Variants in CSMD3 observed in about 807,000 individuals in gnomAD.
The protein encoded by CSMD3 is CUB and sushi domain-containing protein 3.
A neutral mutation model predicts 435.2 loss-of-function variants in CSMD3; 177 were observed. The ratio of observed to expected loss-of-function variants is 0.41; its 90% CI spans 0.36 to 0.46. The LOEUF (loss-of-function observed/expected upper bound fraction) is 0.46, where lower values mean the gene tolerates loss of function less well. Ranked by LOEUF, CSMD3 falls within the 20% of genes least tolerant of loss-of-function variation. CSMD3 has a pLI of 0.34. For missense variants in CSMD3, 4,265 were observed against 4,504.6 expected, an observed-to-expected ratio of 0.95 and a Z score of 1.52; for synonymous variants, 1,656 against 1,520.5, an observed-to-expected ratio of 1.09 and a Z score of -2.07.
chr8:112,638,700 G>A lies in CSMD3; in HGVS notation c.3522C>T (p.Phe1174=), dbSNP rs756399245. 6.4e-7 allele frequency: 1 copy of A among 1,567,544 alleles called. No homozygotes were observed. The highest frequency in any genetic ancestry group is 1.4e-5 in the African/African-American group (1 of 73,844). The part of the protein sequence containing the change: ...SISYEGFNIT[F]SEYNLEPCED... ...TTTTGTTTTTTATTTTCTCACCAGA[G>A]AATGTTATGTTAAATCCTTCATATG... Residue 1174 remains phenylalanine, a synonymous_variant, in exon 21 of 71, where the codon TTC becomes TTT. Coordinates refer to ENST00000297405, the MANE Select transcript of CSMD3 (RefSeq NM_198123.2).
intron 17 of CSMD3, among the ~76,000 whole-genome samples, chr8:112,665,578 T>C (rs2075501500): frequency 6.6e-6 from 1 of 152,150 alleles, no homozygotes; most frequent in African/African-American, 2.4e-5. Context: ...TTAAATAAGT[T>C]TTTTTGTTCA....
At chr8:112,747,962 C>CAAAAAAAAAAAAAAAAAAAAAAAA (rs71309788) in intron 13 of CSMD3, among the ~76,000 whole-genome samples, 11 of 96,748 alleles carry the variant, frequency 1.1e-4, no homozygotes, top group South Asian at 3.6e-4. Context: ...GACTCCGTCT[C>CAAAAAAAAAAAAAAAAAAAAAAAA]AAAAAAAAAA....
At chr8:113,144,513 C>T (rs549136561) in intron 4 of CSMD3, among the ~76,000 whole-genome samples, 2 of 151,480 alleles carry the variant, frequency 1.3e-5, no homozygotes, top group South Asian at 4.2e-4. Flanking sequence ...CTCATATTTC[C>T]GGAAATAGTC....
chr8:112,424,927 C>T (rs551309023), intron 32 of CSMD3, among the ~76,000 whole-genome samples: 2 of 152,090 alleles, frequency 1.3e-5, no homozygotes, highest in African/African-American at 2.4e-5. Context: ...CTCGACCTTG[C>T]GGTCTGCCCA....
chr8:112,657,634 G>A (rs181619811), intron 17 of CSMD3, among the ~76,000 whole-genome samples: 1 of 152,124 alleles, frequency 6.6e-6, no homozygotes, highest in Non-Finnish European at 1.5e-5. Flanking sequence ...CCTGAATCTA[G>A]ATCCAAGATC....
intron 1 of CSMD3, among the ~76,000 whole-genome samples, chr8:113,403,138 T>C (rs1418924015): frequency 2.6e-5 from 4 of 151,340 alleles, no homozygotes; most frequent in African/African-American, 9.7e-5. Context: ...TGTGTCCGTT[T>C]TAGCATTACT....
chr8:112,491,990 A>G (rs1039445278), intron 31 of CSMD3, among the ~76,000 whole-genome samples: 2 of 152,184 alleles, frequency 1.3e-5, no homozygotes, highest in Admixed American at 6.5e-5. Context: ...ATTTTTAAAT[A>G]TGCAGTATTA....
chr8:112,426,168 C>T (rs1041406292), intron 32 of CSMD3, among the ~76,000 whole-genome samples: 1 of 151,996 alleles, frequency 6.6e-6, no homozygotes, highest in Admixed American at 6.6e-5. Context: ...GATTGTTTAG[C>T]TTAATTCTAG....
intron 13 of CSMD3, among the ~76,000 whole-genome samples, chr8:112,733,807 C>T (rs962990294): frequency 1.6e-4 from 25 of 152,022 alleles, no homozygotes; most frequent in Admixed American, 8.5e-4. Context: ...ATAAAAATAA[C>T]ACTTTTCTTT....
At chr8:113,267,336 T>C (rs934058580) in intron 3 of CSMD3, among the ~76,000 whole-genome samples, 3 of 151,444 alleles carry the variant, frequency 2.0e-5, no homozygotes, top group Non-Finnish European at 3.0e-5. Context: ...CAATAGCAAA[T>C]ATATGGAATT....
intron 3 of CSMD3, among the ~76,000 whole-genome samples, chr8:113,265,573 T>A (rs2093462994): frequency 6.6e-6 from 1 of 151,608 alleles, no homozygotes; most frequent in Non-Finnish European, 1.5e-5. Flanking sequence ...ACAGTAAAAG[T>A]GATTTATACC....
chr8:113,315,375 C>T (rs540186699), intron 1 of CSMD3, among the ~76,000 whole-genome samples: 1 of 151,996 alleles, frequency 6.6e-6, no homozygotes, highest in South Asian at 2.1e-4. Flanking sequence ...CCATGATGAA[C>T]AGAATTCTAA....
intron 3 of CSMD3, among the ~76,000 whole-genome samples, chr8:113,230,537 T>G (rs1055467642): frequency 7.9e-5 from 12 of 151,608 alleles, no homozygotes; most frequent in African/African-American, 1.7e-4. Flanking sequence ...AAGGAATCTT[T>G]GAAAGTAAAA....
chr8:113,122,568 C>G (rs1467750019), intron 4 of CSMD3, among the ~76,000 whole-genome samples: 1 of 151,928 alleles, frequency 6.6e-6, no homozygotes, highest in Non-Finnish European at 1.5e-5. Flanking sequence ...CACATGAATC[C>G]TTAAATTGGG....
chr8:112,959,087 T>A (rs1373297949), intron 7 of CSMD3, among the ~76,000 whole-genome samples: 4 of 152,086 alleles, frequency 2.6e-5, no homozygotes, highest in Non-Finnish European at 4.4e-5. Context: ...ATCTGAAATA[T>A]ATTATTCTAT....
intron 9 of CSMD3, among the ~76,000 whole-genome samples, chr8:112,934,540 G>C (rs886714127): frequency 7.9e-5 from 12 of 152,120 alleles, no homozygotes; most frequent in Admixed American, 3.3e-4. Context: ...TTCAGTGGCT[G>C]CTCTGATGAA....
chr8:113,211,102 C>G (rs1255190259), intron 3 of CSMD3, among the ~76,000 whole-genome samples: 1 of 151,934 alleles, frequency 6.6e-6, no homozygotes, highest in Admixed American at 6.6e-5. Flanking sequence ...TCTAGAAGTC[C>G]CTCGCAATGA....
At chr8:112,231,704 C>T in intron 68 of CSMD3, 72 bp from the exon 69 acceptor site, 1 of 928,186 alleles carries the variant, frequency 1.1e-6, no homozygotes, top group South Asian at 1.3e-5. Flanking sequence ...TTAATAAATA[C>T]ACAATTTTAT....
At chr8:113,109,357 G>T (rs1362672055) in intron 4 of CSMD3, among the ~76,000 whole-genome samples, 2 of 152,168 alleles carry the variant, frequency 1.3e-5, no homozygotes, top group African/African-American at 4.8e-5. Context: ...AGCCATGGAT[G>T]AGACTCAAGG....
Sources: gnomAD v4.1 joint callset for allele counts (sites outside exome capture counted in the v4.1 genomes callset) on GRCh38, gnomAD v4.1.1 for gene constraint, MANE v1.5 for transcripts, NCBI Gene and HGNC (gene_info 2026-07-23, HGNC 2026-07-21) for gene names.